PADI1: variants seen among roughly 807,000 people sequenced by gnomAD.
PADI1 encodes the protein peptidyl arginine deiminase 1.
In PADI1, 65 loss-of-function variants were observed where a neutral mutation model predicts 74.8. The ratio of observed to expected loss-of-function variants is 0.87; its 90% CI spans 0.71 to 1.07. The LOEUF (loss-of-function observed/expected upper bound fraction) is 1.07, where lower values mean the gene tolerates loss of function less well. PADI1 is among the 50% of genes least tolerant of loss of function. The pLI, the probability that PADI1 is intolerant of heterozygous loss-of-function variation, is 0.00. For missense variants in PADI1, 943 were observed against 854.0 expected, an observed-to-expected ratio of 1.10 and a Z score of -1.30; for synonymous variants, 371 against 336.2, an observed-to-expected ratio of 1.10 and a Z score of -1.13.
At chr1:17,226,219 C>G (rs557887550) in intron 6 of PADI1, 61 bp downstream of exon 6, 1 of 1,562,664 alleles carries the variant, frequency 6.4e-7, no homozygotes, top group Admixed American at 1.8e-5. Flanking sequence ...TCTCCTCCCC[C>G]ATCTCTCTCT....
At chr1:17,229,266 C>T (rs2072419174) in intron 8 of PADI1, among the ~76,000 whole-genome samples, 1 of 151,692 alleles carries the variant, frequency 6.6e-6, no homozygotes, top group Non-Finnish European at 1.5e-5. Flanking sequence ...TCTCCCAGGT[C>T]ACTGGCTCAA....
In PADI1 at chr1:17,223,618, C is replaced by T; in HGVS notation, c.274-3C>T. 6.2e-7 allele frequency: 1 copy of T among 1,613,092 alleles called. No homozygotes were observed. Among genetic ancestry groups the T allele is most frequent in the African/African-American group, 1.3e-5 (1 of 75,034 alleles). On this transcript the variant is annotated splice_region_variant and splice_polypyrimidine_tract_variant and intron_variant, in intron 2 of 15. Transcript: ENST00000375471. ...CGTGCAGGCTTAGGGCTATGTTCTG[C>T]AGGTGAGGGTCTCCTACTTTGGGGA...
chr1:17,244,724 G>A lies in PADI1; in HGVS notation c.*481G>A, dbSNP rs749912790. 2 of 345,802 alleles carry A rather than the reference G, an allele frequency of 5.8e-6. No individual in the cohort carries two copies. Among genetic ancestry groups the A allele is most frequent in the East Asian group, 7.6e-5 (1 of 13,086 alleles). The allele number at this position is 345,802 out of a possible 1,614,324, so 21.4% of individuals were successfully genotyped here. ...AGGGGATCAGAAACATCCTCTCCCC[G>A]CTCTAGGTTTCTTCTCCCAAAGGGG... On this transcript the variant is annotated 3_prime_UTR_variant, in exon 16 of 16. Transcript: ENST00000375471.
chr1:17,236,018 G>A (rs2072632649), intron 11 of PADI1, among the ~76,000 whole-genome samples: 1 of 152,140 alleles, frequency 6.6e-6, no homozygotes, highest in African/African-American at 2.4e-5. Context: ...GTTTGAAAAG[G>A]GTTGGCTACG....
intron 10 of PADI1, among the ~76,000 whole-genome samples, chr1:17,231,309 C>A (rs186693262): frequency 1.1e-3 from 161 of 152,298 alleles, no homozygotes; most frequent in African/African-American, 2.8e-3. Context: ...TGCCCCAGGC[C>A]ATGCAGCAAG....
intron 1 of PADI1, among the ~76,000 whole-genome samples, chr1:17,221,001 C>T (rs749102300): frequency 3.9e-5 from 6 of 152,042 alleles, no homozygotes; most frequent in African/African-American, 7.2e-5. Context: ...GGTGGGGGCC[C>T]GGCAGATGAG....
At chr1:17,233,145 G>GAATCTTT (rs1390372498) in intron 11 of PADI1, among the ~76,000 whole-genome samples, 175 bp downstream of exon 11, 1 of 152,196 alleles carries the variant, frequency 6.6e-6, no homozygotes, top group East Asian at 1.9e-4. Context: ...AAAGATCAGA[G>GAATCTTT]AATCTTAGGA....
intron 1 of PADI1, 107 bp from the exon 2 acceptor site, chr1:17,222,183 G>A: frequency 2.7e-6 from 2 of 732,708 alleles, no homozygotes; most frequent in Non-Finnish European, 4.7e-6. Flanking sequence ...ACTGTTGAGG[G>A]GTGCCATTTG....
chr1:17,223,654 C>T lies in PADI1; in HGVS notation c.307C>T (p.Gln103Ter). Residue 103 changes from glutamine (Q) to a stop codon, truncating the protein, a stop_gained, in exon 3 of 16, where the codon CAA becomes TAA. Coordinates refer to ENST00000375471, the MANE Select transcript of PADI1 (RefSeq NM_013358.3). LOFTEE classifies it high-confidence loss of function. ...CTCCTACTTTGGGGAGCAGGAAGAC[C>T]AAGCTCTGGGCCGCAGCGTGCTTTA... ...RVSYFGEQED[Q>*]ALGRSVLYLT... is the part of the protein sequence containing the mutation. 6.2e-7 allele frequency: 1 copy of T among 1,614,102 alleles called. No homozygotes were observed. Among genetic ancestry groups the T allele is most frequent in the Non-Finnish European group, 8.5e-7 (1 of 1,179,994 alleles).
chr1:17,213,187 C>T (rs368304208), intron 1 of PADI1, among the ~76,000 whole-genome samples: 1 of 7,922 alleles, frequency 1.3e-4, no homozygotes, highest in Non-Finnish European at 3.0e-4. Flanking sequence ...ACGTAATCTC[C>T]TACCAGGCTG....
intron 10 of PADI1, among the ~76,000 whole-genome samples, chr1:17,231,515 A>T (rs1316916437): frequency 6.6e-6 from 1 of 152,170 alleles, no homozygotes; most frequent in African/African-American, 2.4e-5. Flanking sequence ...CAGAGCAGGG[A>T]CATTCAACCC....
chr1:17,228,837 G>A (rs1286451272), intron 7 of PADI1, 40 bp downstream of exon 7: 4 of 1,605,334 alleles, frequency 2.5e-6, no homozygotes, highest in Admixed American at 3.3e-5. Flanking sequence ...AGGCTGAGGG[G>A]TTTGGGGGCC....
At chr1:17,238,592 C>G in intron 12 of PADI1, 24 bp from the exon 13 acceptor site, 1 of 1,382,750 alleles carries the variant, frequency 7.2e-7, no homozygotes. Context: ...GTCCACTGAG[C>G]CATTCTCCCT....
chr1:17,241,362 A>G (rs2072772698), intron 15 of PADI1, among the ~76,000 whole-genome samples: 1 of 152,284 alleles, frequency 6.6e-6, no homozygotes, highest in South Asian at 2.1e-4. Flanking sequence ...GGGTGTTGGC[A>G]GCTGGCAGGG....
intron 1 of PADI1, among the ~76,000 whole-genome samples, chr1:17,213,184 C>G (rs201146450): frequency 1.3e-5 from 2 of 151,974 alleles, no homozygotes; most frequent in South Asian, 2.1e-4. Context: ...GGGACGTAAT[C>G]TCCTACCAGG....
At chr1:17,227,562 TAAATAAATA>T (rs771802362) in intron 6 of PADI1, among the ~76,000 whole-genome samples, 36 of 151,516 alleles carry the variant, frequency 2.4e-4, no homozygotes, top group Non-Finnish European at 4.1e-4. Flanking sequence ...AATAAATAAA[TAAATAAATA>T]AATAAATAAA....
At chr1:17,218,727 G>A (rs1298035999) in intron 1 of PADI1, among the ~76,000 whole-genome samples, 1 of 152,218 alleles carries the variant, frequency 6.6e-6, no homozygotes, top group Non-Finnish European at 1.5e-5. Flanking sequence ...ATGAGTTTGG[G>A]GATGGGTGAT....
intron 10 of PADI1, 25 bp from the exon 11 acceptor site, chr1:17,232,794 G>A: frequency 6.3e-7 from 1 of 1,597,232 alleles, no homozygotes; most frequent in Non-Finnish European, 8.6e-7. Context: ...TTCTTGGGGT[G>A]GGGGTCTCGC....
At chr1:17,241,293 C>A (rs754510897) in intron 15 of PADI1, among the ~76,000 whole-genome samples, 4 of 152,324 alleles carry the variant, frequency 2.6e-5, no homozygotes, top group Admixed American at 1.3e-4. Context: ...AGGGCCTGAG[C>A]GATGCTATCG....
Sources: gnomAD v4.1 joint callset for allele counts (sites outside exome capture counted in the v4.1 genomes callset) on GRCh38, gnomAD v4.1.1 for gene constraint, MANE v1.5 for transcripts, NCBI Gene and HGNC (gene_info 2026-07-23, HGNC 2026-07-21) for gene names.